The following ZNF205 variants were observed in gnomAD, a reference collection of about 807,000 sequenced individuals.
The protein encoded by ZNF205 is transcriptional repressor RHIT.
ZNF205 carries 32 observed loss-of-function variants against 53.6 expected under a neutral mutation model. That is an observed-to-expected ratio of 0.60 (90% CI 0.45 to 0.80). The LOEUF is 0.80. Among genes scored for constraint, ZNF205 ranks in the 30% least tolerant of loss-of-function variants. The pLI, the probability that ZNF205 is intolerant of heterozygous loss-of-function variation, is 0.00. For missense variants in ZNF205, 836 were observed against 782.4 expected (o/e 1.07, Z -0.82); for synonymous variants, 382 against 334.3 (o/e 1.14, Z -1.56).
rs761211283 is a variant in ZNF205 at position 3,113,465 on chromosome 16, A to AGGACAAGGAGACACCCC, written c.36_52dup (p.Pro18ArgfsTer65). The AGGACAAGGAGACACCCC allele has an allele frequency of 1.2e-6, 2 of 1,613,648 alleles. No homozygotes were observed. Among genetic ancestry groups the AGGACAAGGAGACACCCC allele is most frequent in the Admixed American group, 1.7e-5 (1 of 59,896 alleles). ...GACGGCGGAGGCATCCAGGACACCC[A>AGGACAAGGAGACACCCC]GGACAAGGAGACACCCCCGGAGGTA... On this transcript the variant is annotated frameshift_variant, in exon 2 of 7. Coordinates refer to ENST00000219091, the MANE Select transcript of ZNF205 (RefSeq NM_001042428.2). LOFTEE classifies it high-confidence loss of function.
chr16:3,116,850 A>G (rs570479540), intron 5 of ZNF205, among the ~76,000 whole-genome samples: 6 of 152,340 alleles, frequency 3.9e-5, no homozygotes, highest in South Asian at 2.1e-4. Flanking sequence ...GCTGGAACAC[A>G]GTGGCACGAT....
Position 3,115,783 on chromosome 16 carries a change from C to CCAG in ZNF205, c.272-42_272-40dup, listed in dbSNP as rs1567176282. On this transcript the variant is annotated intron_variant, in intron 3 of 6. Coordinates refer to ENST00000219091, the MANE Select transcript of ZNF205 (RefSeq NM_001042428.2). The stretch of plus-strand genomic sequence containing the variant: ...TGAGGCAGCTGAAGTAGCAGCAGGT[C>CCAG]CAGCAGGATGAGCTGATCACCGTGA... 5.1e-6 allele frequency: 8 copies of CCAG among 1,559,502 alleles called. No individual in the cohort carries two copies. The Middle Eastern group carries it at 6.8e-4, about 134-fold the overall frequency.
In ZNF205 at chr16:3,115,802, A is replaced by ACCG. The variant is rs990341653; in HGVS notation, c.272-26_272-24dup. The ACCG allele has an allele frequency of 1.7e-5, 27 of 1,590,378 alleles. No homozygotes were observed. In the Admixed American group the frequency reaches 3.4e-4, roughly 20 times the overall value. ...GCAGGTCCAGCAGGATGAGCTGATC[A>ACCG]CCGTGAGGACCTCTCTCCTCCCACA... On this transcript the variant is annotated intron_variant, in intron 3 of 6. Transcript: ENST00000219091.
chr16:3,118,368 T>A (rs1340644720), intron 5 of ZNF205, among the ~76,000 whole-genome samples: 1 of 152,074 alleles, frequency 6.6e-6, no homozygotes, highest in African/African-American at 2.4e-5. Flanking sequence ...TCAACACCCA[T>A]TTTCAGCACC....
chr16:3,118,149 C>A (rs941914307), intron 5 of ZNF205, among the ~76,000 whole-genome samples: 1 of 151,874 alleles, frequency 6.6e-6, no homozygotes, highest in Non-Finnish European at 1.5e-5. Flanking sequence ...AGCCACTGCG[C>A]CTGGCCAACA....
In ZNF205 at chr16:3,116,564, A is replaced by AG; in HGVS notation, c.484+23dup. ...TGTCACTGGGTAAGCACTCGCCTGGAGGGGGGACTGGGGTGTTAGGGAGAG... is the reference window on the plus strand; with the variant it reads ...TGTCACTGGGTAAGCACTCGCCTGGAGGGGGGGACTGGGGTGTTAGGGAGAG... On this transcript the variant is annotated intron_variant, in intron 5 of 6. Coordinates refer to ENST00000219091, the MANE Select transcript of ZNF205 (RefSeq NM_001042428.2). 1 of 1,611,462 alleles carries AG rather than the reference A, an allele frequency of 6.2e-7. No homozygotes were observed. The highest frequency in any genetic ancestry group is 1.7e-4 in the Middle Eastern group (1 of 5,962).
chr16:3,118,038 AT>A (rs1957367415), intron 5 of ZNF205, among the ~76,000 whole-genome samples: 1 of 64,654 alleles, frequency 1.5e-5, no homozygotes, highest in South Asian at 5.5e-4. Flanking sequence ...TTTTTTTTGT[AT>A]TTTTAGTAGA....
chr16:3,114,123 A>G (rs1183837659), intron 2 of ZNF205, among the ~76,000 whole-genome samples: 1 of 152,138 alleles, frequency 6.6e-6, no homozygotes, highest in Non-Finnish European at 1.5e-5. Context: ...TTTTCATGCC[A>G]TAGAAGCACA....
chr16:3,115,665 C>G (rs980747362), intron 3 of ZNF205, 97 bp downstream of exon 3: 16 of 1,418,668 alleles, frequency 1.1e-5, no homozygotes, highest in Non-Finnish European at 1.5e-5. Flanking sequence ...GGTCTCTATG[C>G]CAGCAGGGGA....
At position 3,112,626 on chromosome 16, in the gene ZNF205, C is replaced by T. The variant is rs375919179; in HGVS notation, c.-71C>T. On this transcript the variant is annotated 5_prime_UTR_variant, in exon 1 of 7. Transcript: ENST00000219091. ...CCGCCCCGTGCAGGCTGTGGAGACT[C>T]CCTTCCCGGGGGAGGGGGCCCCCAC... The T allele has an allele frequency of 1.9e-3, 552 of 298,370 alleles. 4 individuals carry two copies. The highest frequency in any genetic ancestry group is 0.011 in the African/African-American group (491 of 45,688). 18.5% of individuals were successfully genotyped at this position (298,370 alleles called of 1,614,324 possible).
chr16:3,115,927 G>A lies in ZNF205; in HGVS notation c.363+7G>A, dbSNP rs760430912. The A allele has an allele frequency of 1.2e-6, 2 of 1,612,326 alleles. No individual in the cohort carries two copies. Among genetic ancestry groups the A allele is most frequent in the Non-Finnish European group, 1.7e-6 (2 of 1,179,340 alleles). On this transcript the variant is annotated splice_region_variant and intron_variant, in intron 4 of 6. Coordinates refer to ENST00000219091, the MANE Select transcript of ZNF205 (RefSeq NM_001042428.2). ...CCTCACTGCCTGGTCCCAGGTGAGT[G>A]GCCCTTCCCCGGCCCCTGCATGGTA...
In ZNF205 at chr16:3,116,481, C is replaced by T. The variant is rs768295139; in HGVS notation, c.418C>T (p.Arg140Trp). Residue 140 changes from arginine (R) to tryptophan (W), a missense_variant, in exon 5 of 7, where the codon CGG (arginine) becomes TGG (tryptophan). By Grantham distance (101) the Arg-to-Trp change is moderately radical. Coordinates refer to ENST00000219091, the MANE Select transcript of ZNF205 (RefSeq NM_001042428.2). ...ALYLSREEWG[R>W]LDHTQQNFYR... The stretch of plus-strand genomic sequence containing the variant: ...GTACCTCTCCCGGGAGGAGTGGGGA[C>T]GGCTGGACCACACGCAGCAGAACTT... 1.7e-5 allele frequency: 27 copies of T among 1,613,952 alleles called. No individual in the cohort carries two copies. Among genetic ancestry groups the T allele is most frequent in the Middle Eastern group, 3.3e-4 (2 of 6,084 alleles).
In ZNF205 at chr16:3,120,081, A is replaced by G; in HGVS notation, c.1421A>G (p.Lys474Arg). The change falls in exon 7 of 7, where the codon AAG becomes AGG. Residue 474 changes from lysine (K) to arginine (R), a missense_variant. Transcript: ENST00000219091. ...IAHNRTHTGE[K>R]PYHCLDCGKS... ...CACAACCGCACACACACAGGCGAGAAGCCCTACCACTGCCTCGACTGCGGC... is the reference window on the plus strand; with the variant it reads ...CACAACCGCACACACACAGGCGAGAGGCCCTACCACTGCCTCGACTGCGGC... 1.2e-6 allele frequency: 2 copies of G among 1,613,814 alleles called. No individual in the cohort carries two copies. Among genetic ancestry groups the G allele is most frequent in the Non-Finnish European group, 1.7e-6 (2 of 1,179,892 alleles).
chr16:3,118,682 C>A (rs1421458725), intron 5 of ZNF205, among the ~76,000 whole-genome samples: 11 of 152,184 alleles, frequency 7.2e-5, no homozygotes. Context: ...CCCTTAAACT[C>A]CGTTGCTCTT....
rs760350212 is a variant in ZNF205 at position 3,119,900 on chromosome 16, C to G, written c.1240C>G (p.His414Asp). ...RSDLVTHQGT[H>D]TGAKPHKCPI... ...GGACTTGGTCACCCACCAGGGCACC[C>G]ACACGGGCGCCAAGCCGCACAAGTG... is the stretch of plus-strand genomic sequence containing the variant. The change falls in exon 7 of 7, where the codon CAC (histidine) becomes GAC (aspartate). Residue 414 changes from histidine to aspartate, a missense_variant. Coordinates refer to ENST00000219091, the MANE Select transcript of ZNF205 (RefSeq NM_001042428.2). 7.4e-6 allele frequency: 12 copies of G among 1,613,592 alleles called. No homozygotes were observed. The highest frequency in any genetic ancestry group is 1.0e-5 in the Non-Finnish European group (12 of 1,179,922).
At chr16:3,119,093 G>T (rs1460083240) in intron 6 of ZNF205, 78 bp downstream of exon 6, 2 of 1,554,820 alleles carry the variant, frequency 1.3e-6, no homozygotes, top group Admixed American at 1.8e-5. Context: ...TGTGGGAGTG[G>T]GGCAGGGCCA....
At position 3,118,953 on chromosome 16, in the gene ZNF205, G is replaced by C. The variant is rs1318457174; in HGVS notation, c.533G>C (p.Gly178Ala). Residue 178 changes from glycine (G) to alanine (A), a missense_variant, in exon 6 of 7, where the codon GGT (glycine) becomes GCT (alanine). Physicochemically the swap from Gly to Ala is moderately conservative, Grantham distance 60. Transcript: ENST00000219091. ...PFWAPQAHGK[G>A]EASGSSRQAG... ...TGGGCCCCTCAAGCGCACGGCAAGG[G>C]TGAGGCCTCGGGCTCCAGCCGGCAG... 1 of 1,613,684 alleles carries C rather than the reference G, an allele frequency of 6.2e-7. No individual in the cohort carries two copies. Among genetic ancestry groups the C allele is most frequent in the South Asian group, 1.1e-5 (1 of 91,092 alleles).
chr16:3,118,053 G>T (rs1957367816), intron 5 of ZNF205, among the ~76,000 whole-genome samples: 1 of 123,608 alleles, frequency 8.1e-6, no homozygotes, highest in Non-Finnish European at 1.6e-5. Flanking sequence ...TAGTAGAGAT[G>T]GGGTTTCACC....
At position 3,120,404 on chromosome 16, in the gene ZNF205, A is replaced by G. The variant is rs1362408764; in HGVS notation, c.*79A>G. The G allele has an allele frequency of 1.4e-6, 2 of 1,415,138 alleles. No homozygotes were observed. Among genetic ancestry groups the G allele is most frequent in the Non-Finnish European group, 1.9e-6 (2 of 1,080,738 alleles). The allele number at this position is 1,415,138 out of a possible 1,614,324, so 87.7% of individuals were successfully genotyped here. On this transcript the variant is annotated 3_prime_UTR_variant, in exon 7 of 7. Transcript: ENST00000219091. ...GAGTCAAGGCTCCGAGGGAGGAGAGAGGGGCTCGGGAAGGGAGCTGGGGCG... is the reference window on the plus strand; with the variant it reads ...GAGTCAAGGCTCCGAGGGAGGAGAGGGGGGCTCGGGAAGGGAGCTGGGGCG...
Sources: gnomAD v4.1 joint callset for allele counts (sites outside exome capture counted in the v4.1 genomes callset) on GRCh38, gnomAD v4.1.1 for gene constraint, MANE v1.5 for transcripts, NCBI Gene and HGNC (gene_info 2026-07-23, HGNC 2026-07-21) for gene names.